GLIPR1L2: variants seen among roughly 807,000 people sequenced by gnomAD.
GLIPR1L2 encodes the protein GLIPR1 like 2.
Under a neutral mutation model 28.4 loss-of-function variants are expected in GLIPR1L2, and 21 were observed. The observed-to-expected ratio is 0.74, with a 90% CI of 0.52 to 1.06. The LOEUF (loss-of-function observed/expected upper bound fraction) is 1.06, where lower values mean the gene tolerates loss of function less well. Ranked by LOEUF, GLIPR1L2 falls within the 50% of genes least tolerant of loss-of-function variation. GLIPR1L2 has a pLI of 0.00. For missense variants in GLIPR1L2, 476 were observed against 416.9 expected, an observed-to-expected ratio of 1.14 and a Z score of -1.23; for synonymous variants, 145 against 139.3, an observed-to-expected ratio of 1.04 and a Z score of -0.29.
Position 75,413,717 on chromosome 12 carries a change from T to C in GLIPR1L2, c.584+16T>C, listed in dbSNP as rs1299321707. ...ATGCGCCAGGGTAAGTTACTTAAAA[T>C]TAATAAAAGAATATAAAAATCAGAA... On this transcript the variant is annotated intron_variant, in intron 3 of 5. Coordinates refer to ENST00000550916, the MANE Select transcript of GLIPR1L2 (RefSeq NM_001270396.2). 2.3e-5 allele frequency: 27 copies of C among 1,158,480 alleles called. No homozygotes were observed. The highest frequency in any genetic ancestry group is 3.1e-5 in the Non-Finnish European group (26 of 834,898). The allele number at this position is 1,158,480 out of a possible 1,614,324, so 71.8% of individuals were successfully genotyped here.
At chr12:75,429,415 A>G (rs1405317286) in intron 4 of GLIPR1L2, among the ~76,000 whole-genome samples, 4 of 152,170 alleles carry the variant, frequency 2.6e-5, no homozygotes, top group Admixed American at 6.5e-5. Context: ...CTGTACCTTC[A>G]TTGTATCTTA....
intron 3 of GLIPR1L2, among the ~76,000 whole-genome samples, chr12:75,417,072 T>C (rs1298794859): frequency 4.6e-5 from 7 of 152,096 alleles, no homozygotes; most frequent in Admixed American, 2.6e-4. Context: ...TAGGTCCTAA[T>C]TTCCAGAACC....
At chr12:75,412,122 A>G (rs1356856652) in intron 2 of GLIPR1L2, among the ~76,000 whole-genome samples, 5 of 151,964 alleles carry the variant, frequency 3.3e-5, no homozygotes, top group Admixed American at 6.6e-5. Flanking sequence ...TTACTTTTCT[A>G]TAATTGGATT....
intron 1 of GLIPR1L2, among the ~76,000 whole-genome samples, chr12:75,406,711 T>G (rs1237145760): frequency 7.3e-6 from 1 of 136,898 alleles, no homozygotes; most frequent in Non-Finnish European, 1.5e-5. Context: ...TGAGCCACAA[T>G]CACACTACTG....
At chr12:75,422,545 G>A (rs750113273) in intron 3 of GLIPR1L2, among the ~76,000 whole-genome samples, 1 of 151,930 alleles carries the variant, frequency 6.6e-6, no homozygotes, top group Non-Finnish European at 1.5e-5. Context: ...ATTGTGATCT[G>A]CCTGCCTCAG....
intron 1 of GLIPR1L2, among the ~76,000 whole-genome samples, chr12:75,393,698 T>C (rs1472185744): frequency 6.6e-6 from 1 of 152,120 alleles, no homozygotes; most frequent in Non-Finnish European, 1.5e-5. Flanking sequence ...AATACTGCTA[T>C]AGACATGGGT....
At chr12:75,393,639 A>G (rs921677223) in intron 1 of GLIPR1L2, among the ~76,000 whole-genome samples, 1 of 152,002 alleles carries the variant, frequency 6.6e-6, no homozygotes, top group African/African-American at 2.4e-5. Context: ...TTATCCATTC[A>G]TTGGTCAGTG....
intron 1 of GLIPR1L2, among the ~76,000 whole-genome samples, chr12:75,405,282 T>TAA (rs372503746): frequency 1.3e-5 from 2 of 152,164 alleles, no homozygotes; most frequent in Non-Finnish European, 2.9e-5. Flanking sequence ...GATTACTGCT[T>TAA]GAGACCATCA....
In GLIPR1L2 at chr12:75,427,034, CA is replaced by C. The variant is rs915282514; in HGVS notation, c.671-3672del. 2.9e-4 allele frequency among the ~76,000 whole-genome samples: 42 copies of C among 145,794 alleles called. 1 individual carries two copies. The highest frequency in any genetic ancestry group is 1.2e-3 in the Admixed American group (17 of 14,704). The stretch of plus-strand genomic sequence containing the variant: ...TCAAACAATCTGAGAGTTATAGTCA[CA>C]AAAAAAAATACAAGAAATATTGGAA... On this transcript the variant is annotated intron_variant, in intron 4 of 5. Coordinates refer to ENST00000550916, the MANE Select transcript of GLIPR1L2 (RefSeq NM_001270396.2).
Position 75,432,484 on chromosome 12 carries a change from G to A in GLIPR1L2, c.*1323G>A, listed in dbSNP as rs1012670706. 2.0e-5 allele frequency: 3 copies of A among 150,544 alleles called. No individual in the cohort carries two copies. The highest frequency in any genetic ancestry group is 3.0e-5 in the Non-Finnish European group (2 of 67,782). The allele number at this position is 150,544 out of a possible 1,614,324, so 9.3% of individuals were successfully genotyped here. A position where few individuals can be genotyped will look rare whatever the true frequency, so the allele number is the denominator to read the frequency against. On this transcript the variant is annotated 3_prime_UTR_variant, in exon 6 of 6. Transcript: ENST00000550916. Reference sequence around the variant, plus strand: ...TTTTCTGGTTTTGATAGAATATTGTGTTCTAAAGCTATATTTCTCAATGTG... The same window carrying A: ...TTTTCTGGTTTTGATAGAATATTGTATTCTAAAGCTATATTTCTCAATGTG...
intron 1 of GLIPR1L2, among the ~76,000 whole-genome samples, chr12:75,393,075 A>T (rs2139912234): frequency 6.6e-6 from 1 of 152,192 alleles, no homozygotes; most frequent in East Asian, 1.9e-4. Flanking sequence ...TATAAATTCC[A>T]AAAGTTAATA....
At chr12:75,423,739 C>T (rs1402466991) in intron 4 of GLIPR1L2, 2 of 152,462 alleles carry the variant, frequency 1.3e-5, no homozygotes, top group African/African-American at 4.8e-5. Context: ...CCTGACAGGC[C>T]CCAGTGTGTG....
At chr12:75,397,764 T>G (rs2053352867) in intron 1 of GLIPR1L2, among the ~76,000 whole-genome samples, 1 of 152,168 alleles carries the variant, frequency 6.6e-6, no homozygotes, top group Admixed American at 6.5e-5. Context: ...TGTCACTTCC[T>G]CAGACTTCTA....
intron 3 of GLIPR1L2, among the ~76,000 whole-genome samples, chr12:75,421,876 A>G (rs2045979596): frequency 6.6e-6 from 1 of 152,198 alleles, no homozygotes; most frequent in Non-Finnish European, 1.5e-5. Context: ...AGAATTTTGT[A>G]AACTCTACAG....
At chr12:75,400,465 G>GA (rs1376487578) in intron 1 of GLIPR1L2, among the ~76,000 whole-genome samples, 3 of 152,068 alleles carry the variant, frequency 2.0e-5, no homozygotes, top group Non-Finnish European at 4.4e-5. Flanking sequence ...ATGGATCTTG[G>GA]AAAAGCAAGG....
In GLIPR1L2 at chr12:75,391,210, T is replaced by C. The variant is rs140903731; in HGVS notation, c.94T>C (p.Trp32Arg). 10 of 1,614,216 alleles carry C rather than the reference T, an allele frequency of 6.2e-6. No individual in the cohort carries two copies. Among genetic ancestry groups the C allele is most frequent in the Non-Finnish European group, 7.6e-6 (9 of 1,180,032 alleles). The change falls in exon 1 of 6, where the codon TGG (tryptophan) becomes CGG (arginine). Residue 32 changes from tryptophan to arginine, a missense_variant. Physicochemically the swap from Trp to Arg is moderately radical, Grantham distance 101 (BLOSUM62 -3). Transcript: ENST00000550916. The stretch of plus-strand genomic sequence containing the variant: ...TTTGAAGCTGCGGCTCTGTGAGCTG[T>C]GGCTACTGCTACTGGGTTCTAGTTT... ...GVLKLRLCEL[W>R]LLLLGSSLNA...
At chr12:75,409,061 A>AG (rs2045834328) in intron 1 of GLIPR1L2, among the ~76,000 whole-genome samples, 1 of 152,076 alleles carries the variant, frequency 6.6e-6, no homozygotes, top group Non-Finnish European at 1.5e-5. Flanking sequence ...CATGAGGCCC[A>AG]GGACAACTTT....
intron 3 of GLIPR1L2, among the ~76,000 whole-genome samples, chr12:75,418,929 C>G (rs911832350): frequency 6.6e-6 from 1 of 151,842 alleles, no homozygotes; most frequent in African/African-American, 2.4e-5. Context: ...AACCAAACAC[C>G]ACATGTTCTC....
intron 3 of GLIPR1L2, among the ~76,000 whole-genome samples, chr12:75,422,006 T>TTTAC (rs2045981186): frequency 2.6e-5 from 4 of 151,696 alleles, no homozygotes; most frequent in African/African-American, 7.3e-5. Flanking sequence ...TCTTTATTTA[T>TTTAC]TTTAGAGACA....
Sources: gnomAD v4.1 joint callset for allele counts (sites outside exome capture counted in the v4.1 genomes callset) on GRCh38, gnomAD v4.1.1 for gene constraint, MANE v1.5 for transcripts, NCBI Gene and HGNC (gene_info 2026-07-23, HGNC 2026-07-21) for gene names.